Variants in DENND2A observed in about 807,000 individuals in gnomAD.
The protein encoded by DENND2A is DENN domain containing 2A, also known as DENN domain-containing protein 2A.
DENND2A carries 53 observed loss-of-function variants against 105.3 expected under a neutral mutation model. That is an observed-to-expected ratio of 0.50 (90% CI 0.40 to 0.63). The LOEUF is 0.63. DENND2A is among the 30% of genes least tolerant of loss of function. DENND2A has a pLI of 0.00. For missense variants in DENND2A, 1,138 were observed against 1,279.6 expected (o/e 0.89, Z 1.69); for synonymous variants, 522 against 508.4 (o/e 1.03, Z -0.36).
chr7:140,588,832 T>C (rs1798894772), intron 3 of DENND2A, among the ~76,000 whole-genome samples: 1 of 149,856 alleles, frequency 6.7e-6, no homozygotes, highest in South Asian at 2.1e-4. Flanking sequence ...AACCTCTGCC[T>C]CCTGGGTTCA....
chr7:140,628,630 C>T (rs1305654082), intron 1 of DENND2A, among the ~76,000 whole-genome samples: 2 of 149,524 alleles, frequency 1.3e-5, no homozygotes, highest in East Asian at 3.9e-4. Context: ...ACCTCTGCCT[C>T]CCAGGTTCAA....
At chr7:140,637,362 C>T (rs760110042) in intron 1 of DENND2A, among the ~76,000 whole-genome samples, 28 of 152,200 alleles carry the variant, frequency 1.8e-4, no homozygotes, top group Non-Finnish European at 5.9e-5. Flanking sequence ...TTAAAGGGCA[C>T]ATTAGCAATG....
At chr7:140,579,059 G>T (rs1470930329) in intron 5 of DENND2A, among the ~76,000 whole-genome samples, 1 of 152,150 alleles carries the variant, frequency 6.6e-6, no homozygotes, top group African/African-American at 2.4e-5. Context: ...ACTTTGGGAG[G>T]CCACGTTGGG....
chr7:140,553,483 C>T (rs1321230055), intron 12 of DENND2A, among the ~76,000 whole-genome samples: 1 of 152,166 alleles, frequency 6.6e-6, no homozygotes, highest in Non-Finnish European at 1.5e-5. Context: ...TGCAAAGAGG[C>T]ATTCCTTCCT....
chr7:140,613,769 T>C (rs537468842), intron 1 of DENND2A, among the ~76,000 whole-genome samples: 1 of 152,134 alleles, frequency 6.6e-6, no homozygotes, highest in East Asian at 1.9e-4. Context: ...AATAACAGCT[T>C]AGGAACTGAG....
chr7:140,612,155 C>T (rs1487070144), intron 1 of DENND2A, among the ~76,000 whole-genome samples: 1 of 151,752 alleles, frequency 6.6e-6, no homozygotes, highest in Non-Finnish European at 1.5e-5. Context: ...GCAAGATAAT[C>T]GCTTGAACCT....
chr7:140,569,761 C>T, intron 6 of DENND2A, 23 bp from the exon 7 acceptor site: 2 of 1,555,014 alleles, frequency 1.3e-6, no homozygotes, highest in East Asian at 2.2e-5. Flanking sequence ...AGGAGAAGAA[C>T]AGCCAGTGTT....
At chr7:140,598,111 A>G (rs1422201393) in intron 3 of DENND2A, among the ~76,000 whole-genome samples, 1 of 152,236 alleles carries the variant, frequency 6.6e-6, no homozygotes, top group African/African-American at 2.4e-5. Flanking sequence ...ATTCAGTAGT[A>G]CATTAAAAGA....
Position 140,559,376 on chromosome 7 carries a change from G to T in DENND2A, c.1889+332C>A, listed in dbSNP as rs1490171051. Among the ~76,000 whole-genome samples, 1 of 152,226 alleles carries T rather than the reference G, an allele frequency of 6.6e-6. No individual in the cohort carries two copies. Among genetic ancestry groups the T allele is most frequent in the African/African-American group, 2.4e-5 (1 of 41,452 alleles). On this transcript the variant is annotated intron_variant, in intron 10 of 19. Coordinates refer to ENST00000496613, the MANE Select transcript of DENND2A (RefSeq NM_015689.5). This position sits in a 1 kb window ranked among gnomAD's most constrained non-coding sequence, Gnocchi z 4.1. ...GAAATGTAAACGGATCCCAATCCAA[G>T]AAACATCTGGATAGGAGACTGAAGA...
chr7:140,537,212 C>T (rs975725498), intron 14 of DENND2A, among the ~76,000 whole-genome samples: 2 of 152,144 alleles, frequency 1.3e-5, no homozygotes, highest in Non-Finnish European at 2.9e-5. Context: ...ACATGGGATT[C>T]TCATTTAAGC....
At chr7:140,519,162 C>A (rs980524346) in intron 19 of DENND2A, among the ~76,000 whole-genome samples, 1 of 152,188 alleles carries the variant, frequency 6.6e-6, no homozygotes, top group African/African-American at 2.4e-5. Flanking sequence ...GCTGCAGACA[C>A]CTCCCTACTG....
intron 14 of DENND2A, among the ~76,000 whole-genome samples, chr7:140,528,675 G>A (rs536191809): frequency 4.0e-5 from 6 of 151,552 alleles, no homozygotes; most frequent in South Asian, 2.1e-4. Context: ...CAGGAGAATC[G>A]GTTGAACCCA....
chr7:140,617,668 C>T (rs1044442421), intron 1 of DENND2A, among the ~76,000 whole-genome samples: 4 of 152,050 alleles, frequency 2.6e-5, no homozygotes, highest in Non-Finnish European at 5.9e-5. Context: ...GAGCCAAGAT[C>T]GCACCACTGC....
At chr7:140,613,419 A>G (rs1799971504) in intron 1 of DENND2A, among the ~76,000 whole-genome samples, 2 of 151,684 alleles carry the variant, frequency 1.3e-5, no homozygotes, top group South Asian at 4.2e-4. Context: ...GTGCACCTGT[A>G]GTCCCAGCTA....
chr7:140,551,047 TC>T (rs1797113671), intron 12 of DENND2A, among the ~76,000 whole-genome samples: 1 of 150,936 alleles, frequency 6.6e-6, no homozygotes, highest in African/African-American at 2.4e-5. Context: ...ATGCCTGTAA[TC>T]CCAGCACTTT....
intron 4 of DENND2A, among the ~76,000 whole-genome samples, chr7:140,586,950 G>A (rs774548609): frequency 2.6e-5 from 4 of 152,034 alleles, no homozygotes; most frequent in South Asian, 2.1e-4. Flanking sequence ...CACCCGCACC[G>A]TAAGCAGTTG....
intron 1 of DENND2A, among the ~76,000 whole-genome samples, chr7:140,634,698 C>T (rs946398551): frequency 1.3e-5 from 2 of 151,940 alleles, no homozygotes; most frequent in African/African-American, 4.8e-5. Flanking sequence ...TGGTGAAACC[C>T]CCTCTCTACT....
At chr7:140,544,143 C>T (rs1170883857) in intron 14 of DENND2A, 2 of 210,596 alleles carry the variant, frequency 9.5e-6, no homozygotes, top group Admixed American at 5.1e-5. Context: ...CCGCCTGCCT[C>T]GGCCTCCCGA....
intron 3 of DENND2A, 71 bp downstream of exon 3, chr7:140,601,332 C>T (rs752305987): frequency 6.2e-5 from 94 of 1,505,160 alleles, no homozygotes; most frequent in Non-Finnish European, 7.2e-5. Flanking sequence ...TGAGAACAGA[C>T]GGTTATGATG....
Sources: allele counts gnomAD v4.1 joint callset (sites outside exome capture counted in the v4.1 genomes callset), GRCh38; gene constraint gnomAD v4.1.1; non-coding constraint Gnocchi (gnomAD v3.1); transcripts MANE v1.5; gene names NCBI Gene and HGNC (gene_info 2026-07-23, HGNC 2026-07-21).